Variants in SMG5 observed in about 807,000 individuals in gnomAD.
SMG5 encodes the protein nonsense-mediated mRNA decay factor SMG5.
SMG5 carries 53 observed loss-of-function variants against 122.9 expected under a neutral mutation model. The ratio of observed to expected loss-of-function variants is 0.43; its 90% confidence interval spans 0.35 to 0.54. SMG5 has a LOEUF of 0.54. Among genes scored for constraint, SMG5 ranks in the 20% least tolerant of loss-of-function variants. SMG5 has a pLI of 0.01. For missense variants in SMG5, 1,153 were observed against 1,285.6 expected, an observed-to-expected ratio of 0.90 and a Z score of 1.58; for synonymous variants, 477 against 490.2, an observed-to-expected ratio of 0.97 and a Z score of 0.35.
rs998725777 is a variant in SMG5 at position 156,265,713 on chromosome 1, G to A, written c.1855+68C>T. ...GGTCATTCACACAGATAGGAAAGCG[G>A]CCTCTCTGGTGAGTGTCTATGGCAT... On this transcript the variant is annotated intron_variant, in intron 12 of 21. Coordinates refer to ENST00000361813, the MANE Select transcript of SMG5 (RefSeq NM_015327.3). 3.2e-6 allele frequency: 5 copies of A among 1,552,588 alleles called. No homozygotes were observed. In the African/African-American group the frequency reaches 5.5e-5, roughly 17 times the overall value.
chr1:156,277,137 C>G lies in SMG5; in HGVS notation c.402G>C (p.Gln134His). Residue 134 changes from glutamine to histidine, a missense_variant, in exon 4 of 22, where the codon CAG (glutamine) becomes CAC (histidine). Coordinates refer to ENST00000361813, the MANE Select transcript of SMG5 (RefSeq NM_015327.3). The stretch of plus-strand genomic sequence containing the variant: ...AGTCGATGCAGCACTGCAGTTCCAG[C>G]TGGTAGTGGGACTGGATATAGAGAA... ...HLLLYIQSHY[Q>H]LELQCCIDWT... 1.2e-6 allele frequency: 2 copies of G among 1,613,984 alleles called. No individual in the cohort carries two copies. The highest frequency in any genetic ancestry group is 1.7e-6 in the Non-Finnish European group (2 of 1,179,948).
intron 3 of SMG5, 76 bp from the exon 4 acceptor site, chr1:156,277,317 T>A (rs1235145449): frequency 6.7e-7 from 1 of 1,494,244 alleles, no homozygotes. Flanking sequence ...ACCCTGTTCA[T>A]CTCACTTGGC....
chr1:156,253,659 G>A, intron 16 of SMG5, 151 bp from the exon 17 acceptor site: 2 of 708,124 alleles, frequency 2.8e-6, no homozygotes, highest in Admixed American at 2.2e-5. Flanking sequence ...GGAGAGGCAT[G>A]GAAGAAAAAA....
chr1:156,279,387 T>C (rs1158286851), intron 1 of SMG5, among the ~76,000 whole-genome samples: 2 of 152,110 alleles, frequency 1.3e-5, no homozygotes, highest in African/African-American at 4.8e-5. Flanking sequence ...ACCCAAAATG[T>C]CAACAGTGTC....
chr1:156,267,539 G>A lies in SMG5; in HGVS notation c.1048C>T (p.Leu350Phe), dbSNP rs1406077939. ...ATTTGAAAGATGAGAAGGTCCGGGA[G>A]GAAAGCATATCCACTCTCATACTCC... ...EEEYESGYAF[L>F]PDLLIFQMVI... is the part of the protein sequence containing the mutation. Residue 350 changes from leucine (L) to phenylalanine (F), a missense_variant, in exon 10 of 22, where the codon CTC becomes TTC. Leu to Phe is a conservative substitution (Grantham distance 22, BLOSUM62 0). This residue lies in a region of SMG5 where 631 missense variants were observed against 650.6 expected (regional missense o/e 0.97). Coordinates refer to ENST00000361813, the MANE Select transcript of SMG5 (RefSeq NM_015327.3). The A allele has an allele frequency of 1.2e-6, 2 of 1,614,046 alleles. No homozygotes were observed. The highest frequency in any genetic ancestry group is 1.7e-6 in the Non-Finnish European group (2 of 1,180,028).
intron 17 of SMG5, 49 bp from the exon 18 acceptor site, chr1:156,253,127 C>T (rs898033139): frequency 1.9e-5 from 29 of 1,514,674 alleles, no homozygotes; most frequent in East Asian, 1.4e-4. Context: ...CCCCTGCAGC[C>T]GGGCCGGGGG....
At chr1:156,268,735 C>T (rs930935298) in intron 7 of SMG5, among the ~76,000 whole-genome samples, 2 of 152,170 alleles carry the variant, frequency 1.3e-5, no homozygotes, top group Admixed American at 6.5e-5. Flanking sequence ...ACATAGAATA[C>T]TTTATAATGG....
In SMG5 at chr1:156,277,164, G is replaced by A. The variant is rs746018963; in HGVS notation, c.375C>T (p.Leu125=). ...LVAGIGFYQH[L]LLYIQSHYQL... ...GGTAGTGGGACTGGATATAGAGAAGGAGATGCTGGTAGAAGCCAATACCAG... is the reference window on the plus strand; with the variant it reads ...GGTAGTGGGACTGGATATAGAGAAGAAGATGCTGGTAGAAGCCAATACCAG... The change falls in exon 4 of 22, where the codon CTC becomes CTT. Residue 125 remains leucine, a synonymous_variant. Transcript: ENST00000361813. 6.2e-6 allele frequency: 10 copies of A among 1,614,024 alleles called. 1 individual carries two copies. The South Asian group carries it at 8.8e-5, about 14-fold the overall frequency.
intron 7 of SMG5, among the ~76,000 whole-genome samples, chr1:156,271,566 G>GT (rs755111375): frequency 0.2 from 16,577 of 82,326 alleles, 1,836 homozygotes; most frequent in Admixed American, 0.26. Context: ...CCCTGAAGAG[G>GT]TTTTTTTTTT....
intron 2 of SMG5, among the ~76,000 whole-genome samples, chr1:156,278,411 C>T (rs1328545392): frequency 2.7e-5 from 4 of 150,352 alleles, no homozygotes; most frequent in Admixed American, 2.0e-4. Context: ...GTCTCACTCA[C>T]TCTGTGGCAG....
chr1:156,282,726 C>G lies in SMG5; in HGVS notation c.-46G>C. Reference sequence around the variant, plus strand: ...GCTCCCGGTCACAGGCCCCTGCCACCCACCACTACCGCCAACACTGCCGTC... The same window carrying G: ...GCTCCCGGTCACAGGCCCCTGCCACGCACCACTACCGCCAACACTGCCGTC... On this transcript the variant is annotated 5_prime_UTR_variant, in exon 1 of 22. Coordinates refer to ENST00000361813, the MANE Select transcript of SMG5 (RefSeq NM_015327.3). 6.4e-7 allele frequency: 1 copy of G among 1,551,048 alleles called. No homozygotes were observed. Among genetic ancestry groups the G allele is most frequent in the Non-Finnish European group, 8.7e-7 (1 of 1,152,094 alleles).
rs1485280657 is a variant in SMG5 at position 156,250,656 on chromosome 1, G to A, written c.2982C>T (p.Ala994=). The A allele has an allele frequency of 6.2e-6, 10 of 1,614,080 alleles. No individual in the cohort carries two copies. The highest frequency in any genetic ancestry group is 2.2e-5 in the East Asian group (1 of 44,880). The change falls in exon 22 of 22, where the codon GCC becomes GCT. Residue 994 remains alanine (A), a synonymous_variant. Transcript: ENST00000361813. The part of the protein sequence containing the change: ...LSGPMQAALQ[A]AAHASVDIKN... ...TGATGTCCACACTGGCGTGGGCAGC[G>A]GCCTGCAGGGCTGCCTGTGGAATGG...
Position 156,253,474 on chromosome 1 carries a change from C to T in SMG5, c.2477G>A (p.Arg826Lys), listed in dbSNP as rs1359630495. The T allele has an allele frequency of 6.2e-7, 1 of 1,613,936 alleles. No homozygotes were observed. The highest frequency in any genetic ancestry group is 8.5e-7 in the Non-Finnish European group (1 of 1,180,014). Reference sequence around the variant, plus strand: ...CTGAAGTCGTAGCTGAGCCATGTCTCTCATGAGCCTGTTCCGACGAGCTTC... The same window carrying T: ...CTGAAGTCGTAGCTGAGCCATGTCTTTCATGAGCCTGTTCCGACGAGCTTC... ...QEEARRNRLM[R>K]DMAQLRLQLE... The change falls in exon 17 of 22, where the codon AGA becomes AAA. Residue 826 changes from arginine (R) to lysine (K), a missense_variant. By Grantham distance (26) the Arg-to-Lys change is conservative (BLOSUM62 2). Transcript: ENST00000361813.
Position 156,263,498 on chromosome 1 carries a change from T to C in SMG5, c.1928A>G (p.Gln643Arg), listed in dbSNP as rs749598260. 11 of 1,614,236 alleles carry C rather than the reference T, an allele frequency of 6.8e-6. No individual in the cohort carries two copies. In the East Asian group the frequency reaches 2.2e-4, roughly 33 times the overall value. The change falls in exon 13 of 22, where the codon CAG becomes CGG. Residue 643 changes from glutamine to arginine, a missense_variant. By Grantham distance (43) the Gln-to-Arg change is conservative. Coordinates refer to ENST00000361813, the MANE Select transcript of SMG5 (RefSeq NM_015327.3). Reference protein sequence around the residue: ...GRSCRNERSIQEKLQVLMAEG... With the variant: ...GRSCRNERSIREKLQVLMAEG... Reference sequence around the variant, plus strand: ...GGCCATCAGGACCTGAAGCTTCTCCTGGATGCTGCGCTCATTCCGACAGGA... The same window carrying C: ...GGCCATCAGGACCTGAAGCTTCTCCCGGATGCTGCGCTCATTCCGACAGGA...
At chr1:156,286,428 C>A (rs1301593999), upstream of SMG5, 14 of 1,614,210 alleles carry the variant, frequency 8.7e-6, no homozygotes, top group Non-Finnish European at 1.1e-5. Context: ...CCCCAGGATA[C>A]CCTCAAACTG....
In SMG5 at chr1:156,266,080, T is replaced by C; in HGVS notation, c.1556A>G (p.Gln519Arg). ...ATCTTCCAAGTCTGATCGGGACTCC[T>C]GGCTATTCATTTCCGAGTCTGTTTC... ...DAETDSEMNS[Q>R]ESRSDLEDME... The change falls in exon 12 of 22, where the codon CAG becomes CGG. Residue 519 changes from glutamine (Q) to arginine (R), a missense_variant. This residue lies in a region of SMG5 where 631 missense variants were observed against 650.6 expected (regional missense o/e 0.97). Transcript: ENST00000361813. 2 of 1,614,212 alleles carry C rather than the reference T, an allele frequency of 1.2e-6. No individual in the cohort carries two copies. Among genetic ancestry groups the C allele is most frequent in the Non-Finnish European group, 1.7e-6 (2 of 1,180,032 alleles).
At chr1:156,276,604 A>G (rs1256497935) in intron 4 of SMG5, among the ~76,000 whole-genome samples, 1 of 152,248 alleles carries the variant, frequency 6.6e-6, no homozygotes, top group Non-Finnish European at 1.5e-5. Context: ...TGAACTGAAG[A>G]GAAAACTTAC....
chr1:156,263,833 A>C (rs1034628007), intron 12 of SMG5, among the ~76,000 whole-genome samples: 1 of 152,214 alleles, frequency 6.6e-6, no homozygotes, highest in African/African-American at 2.4e-5. Context: ...TGATTCTTAT[A>C]GACTCAAGTA....
chr1:156,286,174 C>A, upstream of SMG5: 1 of 1,429,718 alleles, frequency 7.0e-7, no homozygotes, highest in Non-Finnish European at 9.7e-7. Context: ...CATGCACTGC[C>A]CACAGTGAAT....
Sources: gnomAD v4.1 joint callset for allele counts (sites outside exome capture counted in the v4.1 genomes callset) on GRCh38, gnomAD v4.1.1 for gene constraint, gnomAD v4.1.1 regional missense constraint, MANE v1.5 for transcripts, NCBI Gene and HGNC (gene_info 2026-07-23, HGNC 2026-07-21) for gene names.